The following HDAC8 variants were observed in gnomAD, a reference collection of about 807,000 sequenced individuals.
HDAC8 encodes the protein histone deacetylase-like 1.
HDAC8 carries 1 observed loss-of-function variant against 32.2 expected under a neutral mutation model. That is an observed-to-expected ratio of 0.03 (90% CI 0.01 to 0.15). The LOEUF is 0.15. HDAC8 is among the 10% of genes least tolerant of loss of function. HDAC8 has a pLI of 1.00. For missense variants in HDAC8, 117 were observed against 300.0 expected, an observed-to-expected ratio of 0.39 and a Z score of 4.51; for synonymous variants, 108 against 113.9, an observed-to-expected ratio of 0.95 and a Z score of 0.33.
chrX:72,458,611 G>C (rs1221047825), intron 9 of HDAC8, among the ~76,000 whole-genome samples: 1 of 111,603 alleles, frequency 9.0e-6, no homozygotes, highest in African/African-American at 3.3e-5. Context: ...TATGAATATT[G>C]AGACACTTAC....
At chrX:72,540,509 C>G (rs1331459471) in intron 4 of HDAC8, among the ~76,000 whole-genome samples, 1 of 110,178 alleles carries the variant, frequency 9.1e-6, no homozygotes, top group African/African-American at 3.3e-5. Flanking sequence ...ACCTTGCACT[C>G]CCTCTAGTGG....
chrX:72,492,714 C>G (rs1556010646), intron 5 of HDAC8, among the ~76,000 whole-genome samples: 2 of 111,485 alleles, frequency 1.8e-5, no homozygotes, highest in South Asian at 3.8e-4. Flanking sequence ...AGAACACTTT[C>G]AGGTGACAGT....
intron 4 of HDAC8, among the ~76,000 whole-genome samples, chrX:72,552,639 G>C (rs1036646418): frequency 2.7e-4 from 29 of 109,174 alleles, no homozygotes; most frequent in African/African-American, 9.0e-4. Context: ...ATTTAGCTAG[G>C]TGTGGTGGTG....
intron 9 of HDAC8, among the ~76,000 whole-genome samples, chrX:72,391,724 C>T (rs1277957904): frequency 1.8e-5 from 2 of 111,563 alleles, no homozygotes; most frequent in Admixed American, 1.9e-4. Flanking sequence ...TCTCTTCCCC[C>T]TCTCCTGTCT....
intron 9 of HDAC8, among the ~76,000 whole-genome samples, chrX:72,443,839 A>G (rs1283647356): frequency 9.1e-6 from 1 of 109,814 alleles, no homozygotes; most frequent in Non-Finnish European, 1.9e-5. Flanking sequence ...TGCAATAAAA[A>G]ATGATAAAGG....
intron 10 of HDAC8, among the ~76,000 whole-genome samples, chrX:72,346,174 G>A (rs1233126955): frequency 9.0e-6 from 1 of 111,401 alleles, no homozygotes; most frequent in Non-Finnish European, 1.9e-5. Flanking sequence ...GAGATGAAGA[G>A]GAATAAAGAG....
At chrX:72,355,441 ACTT>A (rs2044308732) in intron 9 of HDAC8, among the ~76,000 whole-genome samples, 1 of 111,361 alleles carries the variant, frequency 9.0e-6, no homozygotes, top group Admixed American at 9.5e-5. Flanking sequence ...CCCCCTCAGC[ACTT>A]CTTTTGCTTT....
intron 7 of HDAC8, among the ~76,000 whole-genome samples, chrX:72,480,231 C>T (rs1295491685): frequency 1.8e-5 from 2 of 112,596 alleles, no homozygotes; most frequent in Non-Finnish European, 1.9e-5. Flanking sequence ...GAATTAGCAG[C>T]TTCTGTTACC....
At chrX:72,472,362 C>T (rs1322468190) in intron 7 of HDAC8, among the ~76,000 whole-genome samples, 7 of 112,047 alleles carry the variant, frequency 6.2e-5, no homozygotes, top group Non-Finnish European at 3.8e-5. Context: ...CCACCGCGCC[C>T]GGCCCAACTT....
At chrX:72,373,143 C>T (rs2044936387) in intron 9 of HDAC8, among the ~76,000 whole-genome samples, 1 of 112,493 alleles carries the variant, frequency 8.9e-6, no homozygotes, top group African/African-American at 3.2e-5. Flanking sequence ...GATTCTAACT[C>T]TGGTCTGTGT....
At chrX:72,444,304 C>A (rs1489575388) in intron 9 of HDAC8, among the ~76,000 whole-genome samples, 1 of 108,478 alleles carries the variant, frequency 9.2e-6, no homozygotes, top group Non-Finnish European at 1.9e-5. Context: ...ACCGGCAAAC[C>A]GAATCCAGCA....
Position 72,329,704 on chromosome X carries a change from C to G in HDAC8, c.*350G>C, listed in dbSNP as rs1555939525. On this transcript the variant is annotated 3_prime_UTR_variant, in exon 11 of 11. Coordinates refer to ENST00000373573, the MANE Select transcript of HDAC8 (RefSeq NM_018486.3). ...CTACAAACTGGTGACTGCTCTCATC[C>G]AGCTTCTGATCTGTTTCATTTAAGA... 1 of 1,187,514 alleles carries G rather than the reference C, an allele frequency of 8.4e-7. No homozygotes were observed. The highest frequency in any genetic ancestry group is 1.8e-5 in the African/African-American group (1 of 57,107).
chrX:72,406,262 T>C (rs1217937264), intron 9 of HDAC8, among the ~76,000 whole-genome samples: 2 of 112,072 alleles, frequency 1.8e-5, no homozygotes, highest in Non-Finnish European at 3.8e-5. Flanking sequence ...AGGGTCTATC[T>C]CTGTTGCCCA....
At chrX:72,392,710 A>G (rs1399950175) in intron 9 of HDAC8, among the ~76,000 whole-genome samples, 1 of 112,437 alleles carries the variant, frequency 8.9e-6, no homozygotes, top group Non-Finnish European at 1.9e-5. Context: ...AAATTCTACT[A>G]TCTTTTCTCT....
At chrX:72,512,329 C>T (rs186470581) in intron 4 of HDAC8, among the ~76,000 whole-genome samples, 2 of 111,971 alleles carry the variant, frequency 1.8e-5, no homozygotes, top group African/African-American at 6.5e-5. Flanking sequence ...TCATTCAGTG[C>T]TCTCCCTTTG....
In HDAC8 at chrX:72,464,747, AG is replaced by A; in HGVS notation, c.738-17del. 1 of 1,161,588 alleles carries A rather than the reference AG, an allele frequency of 8.6e-7. No individual in the cohort carries two copies. Among genetic ancestry groups the A allele is most frequent in the Non-Finnish European group, 1.2e-6 (1 of 850,616 alleles). On this transcript the variant is annotated splice_polypyrimidine_tract_variant and intron_variant, in intron 7 of 10. Transcript: ENST00000373573. ...CTTTAGTACACTATATAAAATAGAAAGGATACAAAATATAGGTCAGTTTGGT... is the reference window on the plus strand; with the variant it reads ...CTTTAGTACACTATATAAAATAGAAAGATACAAAATATAGGTCAGTTTGGT...
chrX:72,529,253 G>A (rs782480411), intron 4 of HDAC8, among the ~76,000 whole-genome samples: 2 of 112,449 alleles, frequency 1.8e-5, no homozygotes, highest in African/African-American at 6.4e-5. Context: ...AAATGGCTTT[G>A]CAGATATGAT....
chrX:72,441,306 C>T (rs1449986429), intron 9 of HDAC8, among the ~76,000 whole-genome samples: 3 of 111,982 alleles, frequency 2.7e-5, no homozygotes, highest in Non-Finnish European at 3.8e-5. Context: ...CAGACTGACA[C>T]CTCACACGGC....
rs781955962 is a variant in HDAC8 at position 72,367,012 on chromosome X, C to T, written c.1006-15174G>A. Among the ~76,000 whole-genome samples, 43 of 112,129 alleles carry T rather than the reference C, an allele frequency of 3.8e-4. 1 individual carries two copies. Among genetic ancestry groups the T allele is most frequent in the Non-Finnish European group, 6.9e-4 (37 of 53,276 alleles). ...TTAGTTTACAAGCAATTAAAATACA[C>T]TAAAATAGATTTATGTAGGTTGAAC... On this transcript the variant is annotated intron_variant, in intron 9 of 10. Transcript: ENST00000373573.
Sources: gnomAD v4.1 joint callset for allele counts (sites outside exome capture counted in the v4.1 genomes callset) on GRCh38, gnomAD v4.1.1 for gene constraint, MANE v1.5 for transcripts, NCBI Gene and HGNC (gene_info 2026-07-23, HGNC 2026-07-21) for gene names.